The following ATXN8OS variants were observed in gnomAD, a reference collection of about 807,000 sequenced individuals.
The protein encoded by ATXN8OS is ATXN8 opposite strand (non-protein coding).
At chr13:70,158,384 C>T (rs1888963308) in intron 4 of ATXN8OS, among the ~76,000 whole-genome samples, 1 of 152,190 alleles carries the variant, frequency 6.6e-6, no homozygotes, top group Admixed American at 6.5e-5. Context: ...CGCCACTGCA[C>T]TCCAGCCTGG....
chr13:70,151,500 A>T (rs1020131146), intron 4 of ATXN8OS, among the ~76,000 whole-genome samples: 1 of 152,082 alleles, frequency 6.6e-6, no homozygotes, highest in Non-Finnish European at 1.5e-5. Flanking sequence ...ATGTATAGAG[A>T]AGAAGGAAGT....
Position 70,160,219 on chromosome 13 carries a change from G to A in ATXN8OS, n.574-9534G>A, listed in dbSNP as rs187698421. Among the ~76,000 whole-genome samples the A allele has an allele frequency of 1.0e-3, 156 of 152,026 alleles. 1 individual carries two copies. The highest frequency in any genetic ancestry group is 1.6e-4 in the Non-Finnish European group (11 of 67,958). On this transcript the variant is annotated intron_variant and non_coding_transcript_variant, in intron 4 of 4. Coordinates refer to ENST00000678624, the Ensembl canonical transcript of ATXN8OS. ...TATTGGATTTTCATATATTGTATTT[G>A]TATATTATATATTTTTCAAATTATA... is the stretch of plus-strand genomic sequence containing the variant.
intron 3 of ATXN8OS, among the ~76,000 whole-genome samples, chr13:70,145,159 G>A (rs1888765292): frequency 6.6e-6 from 1 of 152,086 alleles, no homozygotes; most frequent in African/African-American, 2.4e-5. Context: ...TCAGATGGTT[G>A]TAGGTATGTG....
Position 70,128,546 on chromosome 13 carries a change from TAA to T in ATXN8OS, n.399-1226_399-1225del, listed in dbSNP as rs5804478. On this transcript the variant is annotated intron_variant and non_coding_transcript_variant, in intron 2 of 4. Transcript: ENST00000678624. ...CTTCTATTGACTTGAGCTTAAAAAT[TAA>T]AAAAAAAAAAATTACAATCTCAGTA... Among the ~76,000 whole-genome samples, 340 of 146,304 alleles carry T rather than the reference TAA, an allele frequency of 2.3e-3. 1 individual carries two copies. Among genetic ancestry groups the T allele is most frequent in the African/African-American group, 7.9e-3 (319 of 40,208 alleles).
chr13:70,107,927 T>G, exon 1 of ATXN8OS: 1 of 494,490 alleles, frequency 2.0e-6, no homozygotes, highest in Non-Finnish European at 3.5e-6. Context: ...GACCTGGGCG[T>G]GGGGACACCA....
At chr13:70,117,893 T>C (rs1335573363) in intron 2 of ATXN8OS, among the ~76,000 whole-genome samples, 1 of 152,126 alleles carries the variant, frequency 6.6e-6, no homozygotes, top group Non-Finnish European at 1.5e-5. Flanking sequence ...CAATACTTAG[T>C]TGGCTTTGCA....
At chr13:70,108,183 T>C in intron 1 of ATXN8OS, 1 of 398,082 alleles carries the variant, frequency 2.5e-6, no homozygotes, top group Non-Finnish European at 4.4e-6. Context: ...GAGTTCAGTG[T>C]CTGGAGAGCG....
chr13:70,155,385 A>G (rs538392702), intron 4 of ATXN8OS, among the ~76,000 whole-genome samples: 1 of 152,170 alleles, frequency 6.6e-6, no homozygotes, highest in Non-Finnish European at 1.5e-5. Flanking sequence ...AATTTGGTCC[A>G]TAAGAAACAT....
chr13:70,162,626 C>T (rs1889023017), intron 4 of ATXN8OS, among the ~76,000 whole-genome samples: 1 of 151,984 alleles, frequency 6.6e-6, no homozygotes, highest in South Asian at 2.1e-4. Context: ...ATCCTGTACC[C>T]TAAATTTGAT....
chr13:70,145,726 G>A (rs1263986596), intron 3 of ATXN8OS, among the ~76,000 whole-genome samples: 1 of 152,064 alleles, frequency 6.6e-6, no homozygotes, highest in Non-Finnish European at 1.5e-5. Context: ...TGCTGAAGTT[G>A]CTTCTCAGCT....
At chr13:70,151,163 G>A (rs968732388) in intron 4 of ATXN8OS, among the ~76,000 whole-genome samples, 5 of 152,038 alleles carry the variant, frequency 3.3e-5, no homozygotes, top group African/African-American at 9.7e-5. Flanking sequence ...AGCACAACAT[G>A]AGAGCTACAC....
At chr13:70,157,384 A>G (rs1162864915) in intron 4 of ATXN8OS, among the ~76,000 whole-genome samples, 3 of 152,088 alleles carry the variant, frequency 2.0e-5, no homozygotes, top group African/African-American at 7.2e-5. Flanking sequence ...CTGAAAAAGT[A>G]AATACAAATC....
chr13:70,107,648 G>A (rs1190188111), upstream of ATXN8OS: 2 of 1,551,772 alleles, frequency 1.3e-6, no homozygotes, highest in South Asian at 1.3e-5. Flanking sequence ...AGTTTCCAGC[G>A]GAGTCGCAGA....
intron 3 of ATXN8OS, among the ~76,000 whole-genome samples, chr13:70,145,654 T>C (rs987698606): frequency 3.9e-5 from 6 of 152,250 alleles, no homozygotes; most frequent in African/African-American, 1.2e-4. Flanking sequence ...TCTCTGTTTG[T>C]CTGTTATTGT....
chr13:70,137,017 T>A (rs978141006), intron 3 of ATXN8OS, among the ~76,000 whole-genome samples: 8 of 152,254 alleles, frequency 5.3e-5, no homozygotes, highest in Non-Finnish European at 1.0e-4. Flanking sequence ...ACTTAACACA[T>A]GAGAGAGATC....
intron 4 of ATXN8OS, among the ~76,000 whole-genome samples, chr13:70,156,244 AGTGTGTGT>A (rs71784187): frequency 1.3e-5 from 2 of 149,186 alleles, no homozygotes; most frequent in Non-Finnish European, 3.0e-5. Context: ...GGTGGGTATG[AGTGTGTGT>A]GTGTGTGTGT....
chr13:70,155,843 T>G (rs1223324207), intron 4 of ATXN8OS, among the ~76,000 whole-genome samples: 1 of 152,124 alleles, frequency 6.6e-6, no homozygotes, highest in South Asian at 2.1e-4. Context: ...TAACTTTCTG[T>G]CATATATTGT....
chr13:70,131,463 C>G lies in ATXN8OS; in HGVS notation n.499+1579C>G, dbSNP rs1230876474. 2.8e-5 allele frequency: 11 copies of G among 398,344 alleles called. No homozygotes were observed. In the Admixed American group the frequency reaches 4.0e-4, roughly 14 times the overall value. The allele number at this position is 398,344 out of a possible 1,614,324, so 24.7% of individuals were successfully genotyped here. ...GCCAGCAGCTTCCAGTCACTTCTGTCCCTTACCTTTTCTCCAGTCTCATTT... is the reference window on the plus strand; with the variant it reads ...GCCAGCAGCTTCCAGTCACTTCTGTGCCTTACCTTTTCTCCAGTCTCATTT... On this transcript the variant is annotated intron_variant and non_coding_transcript_variant, in intron 3 of 4. Coordinates refer to ENST00000678624, the Ensembl canonical transcript of ATXN8OS.
intron 1 of ATXN8OS, among the ~76,000 whole-genome samples, chr13:70,111,802 CATG>C (rs1888201882): frequency 6.6e-6 from 1 of 152,104 alleles, no homozygotes; most frequent in African/African-American, 2.4e-5. Context: ...ATTTCTTCTA[CATG>C]ATAATACTCA....
Sources: allele counts gnomAD v4.1 joint callset (sites outside exome capture counted in the v4.1 genomes callset), GRCh38; gene constraint gnomAD v4.1.1; transcripts MANE v1.5; gene names NCBI Gene and HGNC (gene_info 2026-07-23, HGNC 2026-07-21).